PRKDC: variants seen among roughly 807,000 people sequenced by gnomAD.
PRKDC encodes protein kinase, DNA-activated, catalytic subunit.
A neutral mutation model predicts 486.9 loss-of-function variants in PRKDC; 82 were observed. The ratio of observed to expected loss-of-function variants is 0.17; its 90% CI spans 0.14 to 0.20. The LOEUF (loss-of-function observed/expected upper bound fraction) is 0.20. Ranked by LOEUF, PRKDC falls within the 10% of genes least tolerant of loss-of-function variation. The probability of loss-of-function intolerance (pLI) is 1.00; values close to 1 mark genes in which losing one functional copy is unlikely to be tolerated. For missense variants in PRKDC, 4,504 were observed against 5,038.2 expected, an observed-to-expected ratio of 0.89 and a Z score of 3.21; for synonymous variants, 1,895 against 1,837.0, an observed-to-expected ratio of 1.03 and a Z score of -0.81.
rs186449628 is a variant in PRKDC, at chr8:47,829,505, G to T, written c.8397+1100C>A. 7.4e-3 allele frequency among the ~76,000 whole-genome samples: 1,129 copies of T among 152,186 alleles called. 7 individuals carry two copies. Among genetic ancestry groups the T allele is most frequent in the Non-Finnish European group, 0.011 (759 of 67,986 alleles). ...TAAAAAATAAATCTAATCATCAAAT[G>T]CAAAAAATTACTTTGATAAAAGCTA... On this transcript the variant is annotated intron_variant, in intron 61 of 85. Transcript: ENST00000314191.
At position 47,915,400 on chromosome 8, in the gene PRKDC, CT is replaced by C; in HGVS notation, c.2544del (p.Glu849LysfsTer3). 6.4e-7 allele frequency: 1 copy of C among 1,553,114 alleles called. No individual in the cohort carries two copies. The highest frequency in any genetic ancestry group is 8.8e-7 in the Non-Finnish European group (1 of 1,141,140). On this transcript the variant is annotated frameshift_variant, in exon 23 of 86. Transcript: ENST00000314191. LOFTEE classifies it high-confidence loss of function. ...TGTACTACTCTAATTCTTATTTCTT[CT>C]AAGGATATTGCTTCGTTCTGTAAAT... is the stretch of plus-strand genomic sequence containing the variant. ...KNLSSNEAIS[L>X]EEIRIRVVQM...
intron 56 of PRKDC, among the ~76,000 whole-genome samples, chr8:47,837,712 T>C (rs1410444993): frequency 1.3e-5 from 2 of 151,644 alleles, no homozygotes; most frequent in Non-Finnish European, 2.9e-5. Flanking sequence ...CAACGATGAG[T>C]ACATAATATT....
intron 54 of PRKDC, among the ~76,000 whole-genome samples, chr8:47,841,061 T>C (rs564556980): frequency 2.0e-5 from 3 of 152,192 alleles, no homozygotes; most frequent in East Asian, 1.9e-4. Context: ...TGCCAGGACC[T>C]GGCCCTAATC....
Position 47,782,616 on chromosome 8 carries a change from T to C in PRKDC, c.11176-18A>G, listed in dbSNP as rs1166304752. 3.2e-6 allele frequency: 5 copies of C among 1,550,490 alleles called. No individual in the cohort carries two copies. In the African/African-American group the frequency reaches 4.1e-5, roughly 13 times the overall value. On this transcript the variant is annotated intron_variant, in intron 78 of 85. Coordinates refer to ENST00000314191, the MANE Select transcript of PRKDC (RefSeq NM_006904.7). This position sits in a 1 kb window ranked among gnomAD's most constrained non-coding sequence, Gnocchi z 4.9. ...ACTGTCACCTTCAAAAATCAGAATG[T>C]CATCTCAGGGCACAGGCTAGCCACG...
At chr8:47,852,843 T>C in intron 51 of PRKDC, 59 bp from the exon 52 acceptor site, 4 of 1,131,802 alleles carry the variant, frequency 3.5e-6, no homozygotes, top group Non-Finnish European at 5.1e-6. Context: ...GTTCCACAAA[T>C]ATAAATGACA....
intron 40 of PRKDC, among the ~76,000 whole-genome samples, chr8:47,869,564 G>A (rs907188656): frequency 1.3e-4 from 20 of 151,854 alleles, no homozygotes; most frequent in African/African-American, 4.8e-4. Context: ...CCAGGGCCAC[G>A]CTGGCTTCGA....
intron 74 of PRKDC, among the ~76,000 whole-genome samples, chr8:47,790,693 TG>T (rs769263094): frequency 6.6e-6 from 1 of 152,174 alleles, no homozygotes; most frequent in Non-Finnish European, 1.5e-5. Context: ...CCAAACAGCA[TG>T]ACACTGGCAT....
chr8:47,897,418 A>G, intron 29 of PRKDC, 124 bp from the exon 30 acceptor site: 1 of 948,824 alleles, frequency 1.1e-6, no homozygotes, highest in Non-Finnish European at 1.5e-6. Flanking sequence ...ACTAAAAGGC[A>G]TTCGACTTAT....
At chr8:47,817,139 C>T (rs897492191) in intron 68 of PRKDC, among the ~76,000 whole-genome samples, 2 of 152,202 alleles carry the variant, frequency 1.3e-5, no homozygotes, top group African/African-American at 4.8e-5. Context: ...TCTTTGTTGT[C>T]ATCTAACTAC....
At chr8:47,958,094 G>T (rs1273958095) in intron 1 of PRKDC, among the ~76,000 whole-genome samples, 1 of 152,222 alleles carries the variant, frequency 6.6e-6, no homozygotes, top group Non-Finnish European at 1.5e-5. Context: ...AGAGCCCAAT[G>T]TAATCACACA....
intron 1 of PRKDC, among the ~76,000 whole-genome samples, chr8:47,958,232 G>C (rs1680959398): frequency 6.6e-6 from 1 of 152,176 alleles, no homozygotes; most frequent in Non-Finnish European, 1.5e-5. Flanking sequence ...CAAGGGAAGG[G>C]AGCTGTGATC....
In PRKDC at chr8:47,885,986, A is replaced by G. The variant is rs1324128017; in HGVS notation, c.4734T>C (p.Ala1578=). The G allele has an allele frequency of 2.5e-6, 4 of 1,613,958 alleles. No individual in the cohort carries two copies. The South Asian group carries it at 4.4e-5, about 18-fold the overall frequency. ...CTGAAGACTGCATGAGCTCCAATAC[A>G]GCAAGATCCAGATTTTTCAATAATT... ...NTELLKNLDL[A]VLELMQSSVD... is the part of the protein sequence containing the mutation. The change falls in exon 36 of 86, where the codon GCT becomes GCC. Residue 1578 remains alanine (A), a synonymous_variant. Transcript: ENST00000314191.
chr8:47,895,580 T>C (rs1208667243), intron 30 of PRKDC, among the ~76,000 whole-genome samples: 1 of 152,120 alleles, frequency 6.6e-6, no homozygotes, highest in African/African-American at 2.4e-5. Context: ...TCTACCAACA[T>C]GCTATCAGGG....
chr8:47,802,940 A>G (rs1052644870), intron 70 of PRKDC, among the ~76,000 whole-genome samples: 3 of 152,078 alleles, frequency 2.0e-5, no homozygotes, highest in Non-Finnish European at 4.4e-5. Flanking sequence ...GGCGTGAGCC[A>G]CCATGCCCAG....
intron 40 of PRKDC, among the ~76,000 whole-genome samples, chr8:47,868,922 C>T (rs900933075): frequency 1.3e-5 from 2 of 152,182 alleles, no homozygotes; most frequent in Non-Finnish European, 2.9e-5. Flanking sequence ...TGTCCTGTCA[C>T]AGCAGAAACC....
chr8:47,822,306 C>T (rs2087618613), intron 64 of PRKDC, among the ~76,000 whole-genome samples: 1 of 148,596 alleles, frequency 6.7e-6, no homozygotes, highest in Non-Finnish European at 1.5e-5. Context: ...AAAAAAAAGC[C>T]ACAAAAATCC....
chr8:47,885,532 G>A (rs1357553252), intron 36 of PRKDC, among the ~76,000 whole-genome samples: 1 of 152,072 alleles, frequency 6.6e-6, no homozygotes, highest in African/African-American at 2.4e-5. Flanking sequence ...CAACCTTATA[G>A]GAAAAAGTCT....
intron 69 of PRKDC, among the ~76,000 whole-genome samples, chr8:47,804,378 C>T (rs1230397325): frequency 2.0e-5 from 3 of 150,838 alleles, no homozygotes; most frequent in Non-Finnish European, 4.4e-5. Flanking sequence ...CGGCTCACTG[C>T]AACCTGTGCC....
In PRKDC at chr8:47,774,153, T is replaced by C; in HGVS notation, c.*20A>G. The C allele has an allele frequency of 6.4e-7, 1 of 1,555,134 alleles. No homozygotes were observed. The highest frequency in any genetic ancestry group is 8.7e-7 in the Non-Finnish European group (1 of 1,149,040). ...TCTTTAAACAATGTAATGCTTTCTATCTGCAGACTCCCACAGACCTCACAT... is the reference window on the plus strand; with the variant it reads ...TCTTTAAACAATGTAATGCTTTCTACCTGCAGACTCCCACAGACCTCACAT... On this transcript the variant is annotated 3_prime_UTR_variant, in exon 86 of 86. Transcript: ENST00000314191.
Sources: gnomAD v4.1 joint callset for allele counts (sites outside exome capture counted in the v4.1 genomes callset) on GRCh38, gnomAD v4.1.1 for gene constraint, Gnocchi (gnomAD v3.1) non-coding constraint, MANE v1.5 for transcripts, NCBI Gene and HGNC (gene_info 2026-07-23, HGNC 2026-07-21) for gene names.